SLC22A15: variants seen among roughly 807,000 people sequenced by gnomAD.
SLC22A15 encodes the protein solute carrier family 22 member 15.
SLC22A15 carries 45 observed loss-of-function variants against 62.7 expected under a neutral mutation model. The ratio of observed to expected loss-of-function variants is 0.72; its 90% CI spans 0.56 to 0.92. The LOEUF (loss-of-function observed/expected upper bound fraction) is 0.92. Ranked by LOEUF, SLC22A15 falls within the 40% of genes least tolerant of loss-of-function variation. The pLI is 0.00. For synonymous variants in SLC22A15, 264 were observed against 267.0 expected (o/e 0.99, Z 0.11); for missense variants, 622 against 665.6 (o/e 0.93, Z 0.72).
At chr1:116,005,745 C>T (rs1192370758) in intron 2 of SLC22A15, among the ~76,000 whole-genome samples, 2 of 152,156 alleles carry the variant, frequency 1.3e-5, no homozygotes, top group African/African-American at 2.4e-5. Context: ...CATGTTGGCT[C>T]AGGACCAAGG....
At chr1:116,016,500 A>G (rs1483143117) in intron 2 of SLC22A15, among the ~76,000 whole-genome samples, 3 of 152,162 alleles carry the variant, frequency 2.0e-5, no homozygotes, top group Non-Finnish European at 4.4e-5. Flanking sequence ...GTGCTGGGAT[A>G]CAGGCGTAGC....
At chr1:116,031,901 A>G in intron 6 of SLC22A15, 1 of 1,130,212 alleles carries the variant, frequency 8.8e-7, no homozygotes, top group African/African-American at 1.6e-5. Flanking sequence ...AAAAAAGGAA[A>G]GAAAGCAAAT....
intron 2 of SLC22A15, among the ~76,000 whole-genome samples, chr1:116,001,223 A>T (rs563311899): frequency 7.0e-4 from 106 of 150,820 alleles, no homozygotes; most frequent in African/African-American, 2.2e-3. Flanking sequence ...TTTATATGTA[A>T]TTTTTTTTTC....
chr1:115,981,664 C>T (rs1654615938), intron 1 of SLC22A15, among the ~76,000 whole-genome samples: 1 of 152,154 alleles, frequency 6.6e-6, no homozygotes, highest in South Asian at 2.1e-4. Flanking sequence ...TACAGGAGGC[C>T]TCCAGAAGGG....
chr1:115,994,980 CT>C (rs200134103), intron 2 of SLC22A15, among the ~76,000 whole-genome samples: 2 of 151,382 alleles, frequency 1.3e-5, no homozygotes, highest in South Asian at 2.1e-4. Flanking sequence ...GACCTTCAGC[CT>C]TTTTTTTTCT....
chr1:116,037,154 G>A, intron 7 of SLC22A15, 149 bp from the exon 8 acceptor site: 1 of 641,666 alleles, frequency 1.6e-6, no homozygotes, highest in South Asian at 2.1e-5. Flanking sequence ...GTCCTAGTCA[G>A]TTTCCTATCA....
chr1:115,994,924 A>G (rs1655343667), intron 2 of SLC22A15, among the ~76,000 whole-genome samples: 2 of 152,232 alleles, frequency 1.3e-5, no homozygotes, highest in South Asian at 4.1e-4. Flanking sequence ...AATCCAATTC[A>G]GGATCACACA....
chr1:116,006,177 CATT>C (rs2101172132), intron 2 of SLC22A15, among the ~76,000 whole-genome samples: 1 of 152,150 alleles, frequency 6.6e-6, no homozygotes, highest in Non-Finnish European at 1.5e-5. Flanking sequence ...AGAGGGATAC[CATT>C]ATTAACAAGT....
chr1:115,980,332 T>C (rs1485305730), intron 1 of SLC22A15, among the ~76,000 whole-genome samples: 2 of 152,170 alleles, frequency 1.3e-5, no homozygotes, highest in Non-Finnish European at 2.9e-5. Flanking sequence ...ATTGAACTCC[T>C]AGGTACACAT....
At chr1:115,997,533 A>G (rs1256178297) in intron 2 of SLC22A15, among the ~76,000 whole-genome samples, 1 of 151,842 alleles carries the variant, frequency 6.6e-6, no homozygotes, top group Non-Finnish European at 1.5e-5. Flanking sequence ...AGCGAGGTTT[A>G]TTTTTTAGTA....
chr1:116,000,620 T>G (rs1655673139), intron 2 of SLC22A15, among the ~76,000 whole-genome samples: 1 of 133,594 alleles, frequency 7.5e-6, no homozygotes. Flanking sequence ...AATTTCTTTT[T>G]TTTCCTTTTT....
intron 2 of SLC22A15, among the ~76,000 whole-genome samples, chr1:116,000,893 A>G (rs1000493883): frequency 4.6e-5 from 7 of 151,994 alleles, no homozygotes; most frequent in Non-Finnish European, 8.8e-5. Flanking sequence ...TGGCCTCCCA[A>G]AGTGCTGGGA....
intron 2 of SLC22A15, among the ~76,000 whole-genome samples, chr1:116,005,152 C>T (rs1282429955): frequency 6.6e-6 from 1 of 152,038 alleles, no homozygotes; most frequent in Non-Finnish European, 1.5e-5. Context: ...TTTTCTCTAT[C>T]GTTTTTCTGT....
At chr1:116,027,566 G>T (rs761910825) in intron 5 of SLC22A15, among the ~76,000 whole-genome samples, 3 of 152,022 alleles carry the variant, frequency 2.0e-5, no homozygotes, top group African/African-American at 7.2e-5. Context: ...CTGCCCAAGG[G>T]TGTCATACCA....
chr1:116,041,909 C>T lies in SLC22A15; in HGVS notation c.1171+4521C>T, dbSNP rs576733316. ...GTTGCAGAGCATTGGATAGAGACAT[C>T]CTAGGTCAAAGTCATTTTAGGAAAA... On this transcript the variant is annotated intron_variant, in intron 8 of 11. Transcript: ENST00000369503. 2.0e-5 allele frequency among the ~76,000 whole-genome samples: 3 copies of T among 152,070 alleles called. No individual in the cohort carries two copies. In the South Asian group the frequency reaches 6.2e-4, roughly 32 times the overall value.
intron 6 of SLC22A15, 34 bp downstream of exon 6, chr1:116,031,615 A>G (rs913380909): frequency 6.2e-7 from 1 of 1,607,700 alleles, no homozygotes; most frequent in African/African-American, 1.3e-5. Flanking sequence ...GTTGCTCTTT[A>G]ACTAAGGTTG....
intron 4 of SLC22A15, among the ~76,000 whole-genome samples, chr1:116,025,274 G>T (rs1657032723): frequency 6.6e-6 from 1 of 152,154 alleles, no homozygotes; most frequent in Admixed American, 6.5e-5. Context: ...ACTATTCTGA[G>T]CAATGATAGA....
At chr1:116,036,884 A>G (rs1657643175) in intron 7 of SLC22A15, among the ~76,000 whole-genome samples, 1 of 152,232 alleles carries the variant, frequency 6.6e-6, no homozygotes, top group Non-Finnish European at 1.5e-5. Context: ...AGAAAAGGTA[A>G]CCAGAAAATA....
intron 8 of SLC22A15, among the ~76,000 whole-genome samples, chr1:116,050,661 A>G (rs192761595): frequency 1.2e-4 from 19 of 152,338 alleles, no homozygotes; most frequent in Non-Finnish European, 2.6e-4. Flanking sequence ...GAGAACTGGA[A>G]CAAGACAAGA....
Sources: allele counts gnomAD v4.1 joint callset (sites outside exome capture counted in the v4.1 genomes callset), GRCh38; gene constraint gnomAD v4.1.1; transcripts MANE v1.5; gene names NCBI Gene and HGNC (gene_info 2026-07-23, HGNC 2026-07-21).